RCBTB2: variants seen among roughly 807,000 people sequenced by gnomAD.
The protein encoded by RCBTB2 is RCC1 and BTB domain-containing protein 2.
RCBTB2 carries 55 observed loss-of-function variants against 65.4 expected under a neutral mutation model. The ratio of observed to expected loss-of-function variants is 0.84; its 90% CI spans 0.68 to 1.05. RCBTB2 has a LOEUF of 1.05. RCBTB2 is among the 50% of genes least tolerant of loss of function. RCBTB2 has a pLI of 0.00. For missense variants in RCBTB2, 599 were observed against 680.1 expected (o/e 0.88, Z 1.33); for synonymous variants, 220 against 255.2 (o/e 0.86, Z 1.31).
chr13:48,489,897 G>T lies in RCBTB2; in HGVS notation c.*214C>A. The T allele has an allele frequency of 3.5e-6, 2 of 570,144 alleles. No homozygotes were observed. The highest frequency in any genetic ancestry group is 6.1e-6 in the Non-Finnish European group (2 of 326,634). The allele number at this position is 570,144 out of a possible 1,614,324, so 35.3% of individuals were successfully genotyped here. A position where few individuals can be genotyped will look rare whatever the true frequency, so the allele number is the denominator to read the frequency against. On this transcript the variant is annotated 3_prime_UTR_variant, in exon 15 of 15. Transcript: ENST00000344532. Reference sequence around the variant, plus strand: ...TAAGATATTTCAATTTTTTTTCCTTGACCTTAGTCACATCTGATCAGAACA... The same window carrying T: ...TAAGATATTTCAATTTTTTTTCCTTTACCTTAGTCACATCTGATCAGAACA...
At chr13:48,521,099 T>G (rs577184717) in intron 4 of RCBTB2, among the ~76,000 whole-genome samples, 11 of 152,136 alleles carry the variant, frequency 7.2e-5, no homozygotes, top group African/African-American at 2.7e-4. Flanking sequence ...TAGGAAAAAT[T>G]AGGAATTTTT....
rs1030694752 is a variant in RCBTB2 at position 48,489,603 on chromosome 13, T to C, written c.*508A>G. ...TAATTACAGGCTGTTTTAAGTTTAT[T>C]TTGTGAAAGTTATTCCTTCTCCCAG... On this transcript the variant is annotated 3_prime_UTR_variant, in exon 15 of 15. Coordinates refer to ENST00000344532, the MANE Select transcript of RCBTB2 (RefSeq NM_001268.4). 1 of 152,446 alleles carries C rather than the reference T, an allele frequency of 6.6e-6. No individual in the cohort carries two copies. The highest frequency in any genetic ancestry group is 1.5e-5 in the Non-Finnish European group (1 of 68,224). 9.4% of individuals were successfully genotyped at this position (152,446 alleles called of 1,614,324 possible). A position where few individuals can be genotyped will look rare whatever the true frequency, so the allele number is the denominator to read the frequency against.
intron 13 of RCBTB2, among the ~76,000 whole-genome samples, chr13:48,499,143 C>CACACACACACACACAT (rs1950116616): frequency 9.2e-6 from 1 of 108,992 alleles, no homozygotes; most frequent in Admixed American, 9.1e-5. Flanking sequence ...CACACACACA[C>CACACACACACACACAT]TCTCTCTCTC....
chr13:48,522,444 AAATG>A (rs1951482133), intron 2 of RCBTB2, 41 bp from the exon 3 acceptor site: 9 of 898,338 alleles, frequency 1.0e-5, no homozygotes, highest in Non-Finnish European at 1.6e-5. Flanking sequence ...ATGATGAAAA[AAATG>A]AATGAATGAA....
chr13:48,534,659 T>A (rs903560855), upstream of RCBTB2, among the ~76,000 whole-genome samples: 2 of 152,244 alleles, frequency 1.3e-5, no homozygotes, highest in African/African-American at 4.8e-5. Context: ...TAAAAGAATG[T>A]GTTTCACTAA....
In RCBTB2 at chr13:48,490,023, C is replaced by G; in HGVS notation, c.*88G>C. 7.1e-7 allele frequency: 1 copy of G among 1,417,438 alleles called. No individual in the cohort carries two copies. Among genetic ancestry groups the G allele is most frequent in the Non-Finnish European group, 1.0e-6 (1 of 1,004,920 alleles). 87.8% of individuals were successfully genotyped at this position (1,417,438 alleles called of 1,614,324 possible). On this transcript the variant is annotated 3_prime_UTR_variant, in exon 15 of 15. Transcript: ENST00000344532. The stretch of plus-strand genomic sequence containing the variant: ...AAGTACTCAGCCAAACATAGCTCAT[C>G]ATACATACTATTAATTAAAGAGAAG...
intron 1 of RCBTB2, among the ~76,000 whole-genome samples, chr13:48,526,191 G>A (rs1951720849): frequency 6.6e-6 from 1 of 152,044 alleles, no homozygotes; most frequent in Non-Finnish European, 1.5e-5. Context: ...TTCAATAAAC[G>A]TTTGGTAATG....
In RCBTB2 at chr13:48,515,372, T is replaced by G. The variant is rs537958404; in HGVS notation, c.199-17A>C. The G allele has an allele frequency of 4.3e-6, 7 of 1,610,626 alleles. 1 individual carries two copies. The South Asian group carries it at 7.7e-5, about 18-fold the overall frequency. On this transcript the variant is annotated splice_polypyrimidine_tract_variant and intron_variant, in intron 5 of 14. Coordinates refer to ENST00000344532, the MANE Select transcript of RCBTB2 (RefSeq NM_001268.4). ...CACAAAAATCTATGGGAAAAACCAC[T>G]GTTAGTTCAAGCAGTTCTATTTCTA... is the stretch of plus-strand genomic sequence containing the variant.
chr13:48,515,054 C>T, intron 6 of RCBTB2, 151 bp downstream of exon 6: 1 of 708,082 alleles, frequency 1.4e-6, no homozygotes, highest in Non-Finnish European at 2.3e-6. Context: ...GCCACATCAC[C>T]TTATGCTGGC....
intron 12 of RCBTB2, 39 bp downstream of exon 12, chr13:48,501,703 G>A (rs1022987348): frequency 7.7e-6 from 12 of 1,558,606 alleles, no homozygotes; most frequent in South Asian, 1.1e-5. Context: ...ATTGTTGAAC[G>A]AATTACTTTT....
At position 48,507,262 on chromosome 13, in the gene RCBTB2, G is replaced by A. The variant is rs184433378; in HGVS notation, c.926+3367C>T. On this transcript the variant is annotated intron_variant, in intron 10 of 14. Transcript: ENST00000344532. ...GCAGAAAGTTTAGAGGGTACTTTCA[G>A]GTCTAGGCTTGTGACCCAAGCAACC... Among the ~76,000 whole-genome samples the A allele has an allele frequency of 4.6e-5, 7 of 152,360 alleles. No individual in the cohort carries two copies. In the East Asian group the frequency reaches 1.3e-3, roughly 29 times the overall value.
At chr13:48,505,515 T>C (rs9316386) in intron 10 of RCBTB2, among the ~76,000 whole-genome samples, 27,075 of 152,208 alleles carry the variant, frequency 0.18, 6,525 homozygotes, top group African/African-American at 0.55. Context: ...TCAATCAGCA[T>C]CATTCTTTTC....
intron 4 of RCBTB2, among the ~76,000 whole-genome samples, chr13:48,519,686 A>G (rs1474696810): frequency 3.9e-5 from 6 of 152,236 alleles, no homozygotes; most frequent in African/African-American, 1.4e-4. Context: ...GGAGGTCACA[A>G]TTTAATAGAA....
At position 48,493,309 on chromosome 13, in the gene RCBTB2, A is replaced by ACTCTCTCTCTCTCTCTCTCTCT. The variant is rs1429120157; in HGVS notation, c.1515+2881_1515+2882insAGAGAGAGAGAGAGAGAGAGAG. On this transcript the variant is annotated intron_variant, in intron 14 of 14. Transcript: ENST00000344532. ...TCTCTCCACACACACACACACACAC[A>ACTCTCTCTCTCTCTCTCTCTCT]CACACACTCTCTCTCTCTCTCTCTC... Among the ~76,000 whole-genome samples, 8 of 47,924 alleles carry ACTCTCTCTCTCTCTCTCTCTCT rather than the reference A, an allele frequency of 1.7e-4. No homozygotes were observed. The East Asian group carries it at 5.0e-3, about 30-fold the overall frequency. 31.4% of individuals were successfully genotyped at this position (47,924 alleles called of 152,430 possible).
Position 48,505,042 on chromosome 13 carries a change from A to C in RCBTB2, c.927-2128T>G, listed in dbSNP as rs894474825. Among the ~76,000 whole-genome samples, 212 of 149,642 alleles carry C rather than the reference A, an allele frequency of 1.4e-3. 1 individual carries two copies. The highest frequency in any genetic ancestry group is 4.7e-3 in the African/African-American group (192 of 40,724). On this transcript the variant is annotated intron_variant, in intron 10 of 14. Coordinates refer to ENST00000344532, the MANE Select transcript of RCBTB2 (RefSeq NM_001268.4). ...GGAGTCAAACCTAGGTTTGTTTTTT[A>C]TTTCTTTCTTTTTTTTTTTTTTTCT...
At chr13:48,506,672 C>G (rs1950521705) in intron 10 of RCBTB2, among the ~76,000 whole-genome samples, 1 of 152,160 alleles carries the variant, frequency 6.6e-6, no homozygotes, top group Non-Finnish European at 1.5e-5. Flanking sequence ...GGAAAAAGGG[C>G]CTTCTGTGTT....
chr13:48,530,072 G>C (rs913226594), intron 1 of RCBTB2, among the ~76,000 whole-genome samples: 4 of 150,946 alleles, frequency 2.6e-5, no homozygotes, highest in African/African-American at 9.7e-5. Flanking sequence ...TTTTTTGTTC[G>C]TTTTTCTGTA....
At chr13:48,518,082 A>G (rs1271036415) in intron 4 of RCBTB2, among the ~76,000 whole-genome samples, 3 of 152,210 alleles carry the variant, frequency 2.0e-5, no homozygotes, top group African/African-American at 4.8e-5. Flanking sequence ...TCTTCCTGAG[A>G]GATATCAAGG....
At chr13:48,529,738 T>TA (rs760775125) in intron 1 of RCBTB2, among the ~76,000 whole-genome samples, 18 of 152,192 alleles carry the variant, frequency 1.2e-4, no homozygotes, top group Non-Finnish European at 2.2e-4. Flanking sequence ...CAATATCCCT[T>TA]ACCAGGAGGC....
Sources: allele counts gnomAD v4.1 joint callset (sites outside exome capture counted in the v4.1 genomes callset), GRCh38; gene constraint gnomAD v4.1.1; transcripts MANE v1.5; gene names NCBI Gene and HGNC (gene_info 2026-07-23, HGNC 2026-07-21).